Variants in RGS6 observed in about 807,000 individuals in gnomAD.
RGS6 encodes regulator of G protein signaling 6, also known as regulator of G-protein signaling 6.
Under a neutral mutation model 78.5 loss-of-function variants are expected in RGS6, and 30 were observed. The observed-to-expected ratio is 0.38, with a 90% CI of 0.29 to 0.52. RGS6 has a LOEUF of 0.52. Ranked by LOEUF, RGS6 falls within the 20% of genes least tolerant of loss-of-function variation. The pLI is 0.85. For missense variants in RGS6, 495 were observed against 609.7 expected, an observed-to-expected ratio of 0.81 and a Z score of 1.98; for synonymous variants, 206 against 206.0, an observed-to-expected ratio of 1.00 and a Z score of 0.00.
intron 3 of RGS6, among the ~76,000 whole-genome samples, chr14:72,422,332 C>T (rs2094228445): frequency 6.6e-6 from 1 of 152,116 alleles, no homozygotes; most frequent in Non-Finnish European, 1.5e-5. Context: ...ATGAGCTTTA[C>T]ATCTGAGTTA....
At chr14:72,612,920 T>G in the RGS6 span, among the ~76,000 whole-genome samples, 1 of 152,186 alleles carries the variant, frequency 6.6e-6, no homozygotes, top group East Asian at 1.9e-4. Context: ...AGATGCACCT[T>G]GCCTGGCAGC....
At chr14:72,432,197 C>T (rs188152418) in intron 3 of RGS6, among the ~76,000 whole-genome samples, 1 of 152,302 alleles carries the variant, frequency 6.6e-6, no homozygotes, top group Admixed American at 6.5e-5. Context: ...TTATAAGGGA[C>T]AGGAGTCCTT....
At chr14:72,057,313 GAAAAAAA>G (rs71109718) in intron 2 of RGS6, among the ~76,000 whole-genome samples, 1,052 of 56,100 alleles carry the variant, frequency 0.019, 10 homozygotes, top group Middle Eastern at 0.082. Context: ...GACTCTATCT[GAAAAAAA>G]AAAAAAAAAA....
chr14:72,615,669 G>A, the RGS6 span, among the ~76,000 whole-genome samples: 5 of 152,190 alleles, frequency 3.3e-5, no homozygotes, highest in Admixed American at 6.5e-5. Flanking sequence ...CCAGGCTTCC[G>A]GCTTCCTACC....
intron 2 of RGS6, among the ~76,000 whole-genome samples, chr14:72,347,300 G>A (rs529001505): frequency 5.3e-5 from 8 of 152,244 alleles, no homozygotes; most frequent in South Asian, 4.1e-4. Flanking sequence ...AGCCATGATC[G>A]GCCAGTGGAA....
At chr14:72,055,116 C>T (rs566801675) in intron 2 of RGS6, among the ~76,000 whole-genome samples, 2 of 152,232 alleles carry the variant, frequency 1.3e-5, no homozygotes, top group African/African-American at 2.4e-5. Flanking sequence ...ATGCATGTGC[C>T]GAGGTTTCCC....
At chr14:72,208,757 G>T (rs1398062040) in intron 2 of RGS6, among the ~76,000 whole-genome samples, 1 of 152,114 alleles carries the variant, frequency 6.6e-6, no homozygotes, top group African/African-American at 2.4e-5. Flanking sequence ...AGGCATAATA[G>T]GATGGGAAAA....
chr14:72,204,344 G>A (rs1007561007), intron 2 of RGS6, among the ~76,000 whole-genome samples: 6 of 152,156 alleles, frequency 3.9e-5, no homozygotes. Flanking sequence ...ATTCCAGGGG[G>A]AGGGTATCTT....
At chr14:72,120,481 T>C (rs529048980) in intron 2 of RGS6, among the ~76,000 whole-genome samples, 7 of 152,106 alleles carry the variant, frequency 4.6e-5, no homozygotes, top group African/African-American at 1.7e-4. Context: ...GATGAGTAAC[T>C]CAAAAGAAAT....
intron 2 of RGS6, among the ~76,000 whole-genome samples, chr14:72,012,828 TG>T (rs1487287517): frequency 6.6e-6 from 1 of 152,186 alleles, no homozygotes; most frequent in Non-Finnish European, 1.5e-5. Context: ...ATCTGTAAAC[TG>T]GGGGAAACAC....
At chr14:72,446,557 A>G (rs1176533449) in intron 3 of RGS6, among the ~76,000 whole-genome samples, 1 of 152,198 alleles carries the variant, frequency 6.6e-6, no homozygotes, top group East Asian at 1.9e-4. Context: ...GTTTCATGGA[A>G]GACAGTTTTT....
At chr14:72,010,413 G>A (rs1596025930) in intron 2 of RGS6, among the ~76,000 whole-genome samples, 1 of 152,034 alleles carries the variant, frequency 6.6e-6, no homozygotes, top group African/African-American at 2.4e-5. Context: ...TTAATGTAGG[G>A]AAAAAACTCA....
rs559515039 is a variant in RGS6 at position 72,122,745 on chromosome 14, T to G, written c.84+157870T>G. Among the ~76,000 whole-genome samples the G allele has an allele frequency of 1.5e-4, 22 of 149,908 alleles. No homozygotes were observed. In the East Asian group the frequency reaches 2.0e-3, roughly 13 times the overall value. ...ACTCTGGGTTCTAAGTTATCGTTTT[T>G]TTTTTTTTTTTCCATTCTATATACT... On this transcript the variant is annotated intron_variant, in intron 2 of 17. Coordinates refer to ENST00000553525, the MANE Select transcript of RGS6 (RefSeq NM_001204424.2).
chr14:72,092,751 A>G (rs1317923436), intron 2 of RGS6, among the ~76,000 whole-genome samples: 2 of 152,238 alleles, frequency 1.3e-5, no homozygotes, highest in Non-Finnish European at 2.9e-5. Flanking sequence ...GAGCAGTTGC[A>G]AAGATAGTTC....
intron 2 of RGS6, among the ~76,000 whole-genome samples, chr14:72,295,255 C>T (rs1208729788): frequency 6.7e-6 from 1 of 148,636 alleles, no homozygotes; most frequent in East Asian, 2.0e-4. Context: ...CCCGCCACTG[C>T]ACTCCAGCCT....
Position 72,476,796 on chromosome 14 carries a change from A to C in RGS6, c.748A>C (p.Ser250Arg). 6.2e-7 allele frequency: 1 copy of C among 1,614,234 alleles called. No individual in the cohort carries two copies. Among genetic ancestry groups the C allele is most frequent in the Non-Finnish European group, 8.5e-7 (1 of 1,180,030 alleles). ...SQAQSPVHVL[S>R]QPIRKTTKED... ...GGCACAGAGCCCGGTGCATGTACTC[A>C]GCCAACCAATCAGGAAAACAACAAA... The change falls in exon 11 of 18, where the codon AGC (serine) becomes CGC (arginine). Residue 250 changes from serine to arginine, a missense_variant. Transcript: ENST00000553525.
At chr14:71,970,665 C>A (rs956028181) in intron 2 of RGS6, among the ~76,000 whole-genome samples, 1 of 152,022 alleles carries the variant, frequency 6.6e-6, no homozygotes, top group African/African-American at 2.4e-5. Context: ...TAGAAACTGT[C>A]GAATCAGGAA....
chr14:72,397,831 C>A (rs2091691295), intron 3 of RGS6, among the ~76,000 whole-genome samples: 1 of 152,080 alleles, frequency 6.6e-6, no homozygotes, highest in Non-Finnish European at 1.5e-5. Flanking sequence ...GTCTTTGGTT[C>A]TGTTTATATG....
chr14:72,061,583 T>C (rs1424268390), intron 2 of RGS6, among the ~76,000 whole-genome samples: 2 of 152,056 alleles, frequency 1.3e-5, no homozygotes, highest in African/African-American at 2.4e-5. Flanking sequence ...TTTTTTTTTT[T>C]CCTTGACACT....
Sources: gnomAD v4.1 joint callset for allele counts (sites outside exome capture counted in the v4.1 genomes callset) on GRCh38, gnomAD v4.1.1 for gene constraint, MANE v1.5 for transcripts, NCBI Gene and HGNC (gene_info 2026-07-23, HGNC 2026-07-21) for gene names.